Variants in AP2B1 observed in about 807,000 individuals in gnomAD.
The protein encoded by AP2B1 is AP-2 complex subunit beta.
AP2B1 carries 23 observed loss-of-function variants against 102.0 expected under a neutral mutation model. That is an observed-to-expected ratio of 0.23 (90% CI 0.16 to 0.32). AP2B1 has a LOEUF of 0.32. AP2B1 is among the 10% of genes least tolerant of loss of function. AP2B1 has a pLI of 1.00. For missense variants in AP2B1, 541 were observed against 1,157.4 expected (o/e 0.47, Z 7.73); for synonymous variants, 381 against 421.2 (o/e 0.90, Z 1.17).
intron 18 of AP2B1, among the ~76,000 whole-genome samples, chr17:35,683,138 A>G (rs909014735): frequency 6.6e-6 from 1 of 152,168 alleles, no homozygotes; most frequent in African/African-American, 2.4e-5. Flanking sequence ...TGGACCTCCC[A>G]AAGTGCTGGA....
intron 20 of AP2B1, among the ~76,000 whole-genome samples, chr17:35,712,805 C>G (rs1248417988): frequency 6.6e-6 from 1 of 152,286 alleles, no homozygotes; most frequent in East Asian, 1.9e-4. Context: ...GTTAACTGAA[C>G]TTATTTGGCC....
chr17:35,600,713 A>T (rs571655742), intron 3 of AP2B1, among the ~76,000 whole-genome samples: 1 of 152,324 alleles, frequency 6.6e-6, no homozygotes, highest in Admixed American at 6.5e-5. Context: ...TTCTTATTTT[A>T]ATGGATTAAC....
intron 14 of AP2B1, among the ~76,000 whole-genome samples, chr17:35,664,825 G>A (rs2075429455): frequency 1.3e-5 from 2 of 152,100 alleles, no homozygotes; most frequent in South Asian, 4.1e-4. Context: ...AGGTTCTCTT[G>A]TTGATTTTTA....
chr17:35,635,869 A>G (rs1439839483), intron 9 of AP2B1, among the ~76,000 whole-genome samples: 1 of 151,808 alleles, frequency 6.6e-6, no homozygotes, highest in East Asian at 1.9e-4. Context: ...TTTTGTATTT[A>G]GTGGAGACGG....
At position 35,637,651 on chromosome 17, in the gene AP2B1, T is replaced by C. The variant is rs546689252; in HGVS notation, c.1271+1195T>C. Among the ~76,000 whole-genome samples, 5 of 152,080 alleles carry C rather than the reference T, an allele frequency of 3.3e-5. 1 individual carries two copies. Among genetic ancestry groups the C allele is most frequent in the African/African-American group, 1.2e-4 (5 of 41,510 alleles). On this transcript the variant is annotated intron_variant, in intron 10 of 21. Coordinates refer to ENST00000610402, the MANE Select transcript of AP2B1 (RefSeq NM_001030006.2). ...TATTTTGGAAAGAGAACCACATACT[T>C]TTACTACTCTCCCAATAAAGAAGAG... is the stretch of plus-strand genomic sequence containing the variant.
chr17:35,711,665 G>T (rs1429842314), intron 20 of AP2B1, among the ~76,000 whole-genome samples: 1 of 152,150 alleles, frequency 6.6e-6, no homozygotes, highest in Non-Finnish European at 1.5e-5. Flanking sequence ...TAGAGACGGG[G>T]TTTCACCCTG....
chr17:35,625,519 A>T (rs2074289911), intron 6 of AP2B1, among the ~76,000 whole-genome samples: 2 of 152,086 alleles, frequency 1.3e-5, no homozygotes. Context: ...TCACTTAGCA[A>T]ATATTTATTA....
intron 14 of AP2B1, among the ~76,000 whole-genome samples, chr17:35,663,939 T>C (rs1034296453): frequency 6.6e-6 from 1 of 152,184 alleles, no homozygotes; most frequent in Non-Finnish European, 1.5e-5. Context: ...GTTCATCTTA[T>C]CCTTATTTAT....
intron 14 of AP2B1, among the ~76,000 whole-genome samples, chr17:35,665,592 T>A (rs1177922687): frequency 6.6e-6 from 1 of 152,220 alleles, no homozygotes; most frequent in African/African-American, 2.4e-5. Flanking sequence ...AGTTTTATTG[T>A]TTGTGAAGGG....
chr17:35,599,606 C>T (rs1225948136), intron 3 of AP2B1, among the ~76,000 whole-genome samples: 1 of 152,044 alleles, frequency 6.6e-6, no homozygotes, highest in Non-Finnish European at 1.5e-5. Flanking sequence ...AAGATCTATT[C>T]GAAATAAAGT....
At position 35,724,504 on chromosome 17, in the gene AP2B1, A is replaced by G. The variant is rs2085486963; in HGVS notation, c.*805A>G. ...CCTGAACAAACCTGCTAATCCCACT[A>G]ATTCAGGAATTTGAGTAGAGATGGG... is the stretch of plus-strand genomic sequence containing the variant. On this transcript the variant is annotated 3_prime_UTR_variant, in exon 22 of 22. Coordinates refer to ENST00000610402, the MANE Select transcript of AP2B1 (RefSeq NM_001030006.2). The G allele has an allele frequency of 6.6e-6, 1 of 152,158 alleles. No homozygotes were observed. The highest frequency in any genetic ancestry group is 6.5e-5 in the Admixed American group (1 of 15,270). The allele number at this position is 152,158 out of a possible 1,614,324, so 9.4% of individuals were successfully genotyped here.
intron 4 of AP2B1, chr17:35,607,862 G>A (rs1210178992): frequency 9.1e-6 from 3 of 330,860 alleles, no homozygotes; most frequent in African/African-American, 4.3e-5. Context: ...CTGTGGGATG[G>A]TACGAACTCC....
intron 17 of AP2B1, among the ~76,000 whole-genome samples, chr17:35,681,455 AGT>A (rs2075821120): frequency 6.6e-6 from 1 of 152,260 alleles, no homozygotes; most frequent in Non-Finnish European, 1.5e-5. Context: ...GCTGGACTGC[AGT>A]GATGCAGTCA....
intron 11 of AP2B1, among the ~76,000 whole-genome samples, chr17:35,641,603 G>A (rs928213568): frequency 6.6e-6 from 1 of 151,972 alleles, no homozygotes; most frequent in Non-Finnish European, 1.5e-5. Flanking sequence ...AATAAACACA[G>A]GTAACTATCT....
chr17:35,634,928 ATTC>A (rs1340270145), intron 9 of AP2B1, among the ~76,000 whole-genome samples: 2 of 152,046 alleles, frequency 1.3e-5, no homozygotes, highest in African/African-American at 2.4e-5. Flanking sequence ...ACGATGGCTT[ATTC>A]TTCTTACTTC....
intron 3 of AP2B1, among the ~76,000 whole-genome samples, chr17:35,600,346 A>G (rs1158790577): frequency 6.6e-6 from 1 of 152,046 alleles, no homozygotes; most frequent in Non-Finnish European, 1.5e-5. Flanking sequence ...GCCTCACAAA[A>G]CTGCTGGGAT....
At chr17:35,722,904 C>T (rs977015231) in intron 21 of AP2B1, among the ~76,000 whole-genome samples, 17 of 152,106 alleles carry the variant, frequency 1.1e-4, no homozygotes, top group African/African-American at 4.1e-4. Context: ...TCAATATTCA[C>T]CATTAAGATC....
At position 35,598,226 on chromosome 17, in the gene AP2B1, G is replaced by A. The variant is rs1567772947; in HGVS notation, c.38-4G>A. The A allele has an allele frequency of 3.1e-6, 5 of 1,605,836 alleles. No individual in the cohort carries two copies. The highest frequency in any genetic ancestry group is 4.3e-6 in the Non-Finnish European group (5 of 1,173,330). The stretch of plus-strand genomic sequence containing the variant: ...CCTTACCAGTTTGCTCTCATCTCTT[G>A]CAGGAGAAATATTTGAACTAAAAGC... On this transcript the variant is annotated splice_polypyrimidine_tract_variant and splice_region_variant and intron_variant, in intron 2 of 21. Transcript: ENST00000610402.
chr17:35,613,221 C>T (rs373227949), intron 5 of AP2B1, among the ~76,000 whole-genome samples: 25 of 149,228 alleles, frequency 1.7e-4, no homozygotes, highest in African/African-American at 6.2e-4. Flanking sequence ...TCTTGTAGCT[C>T]ACTTCAGAAG....
Sources: allele counts gnomAD v4.1 joint callset (sites outside exome capture counted in the v4.1 genomes callset), GRCh38; gene constraint gnomAD v4.1.1; transcripts MANE v1.5; gene names NCBI Gene and HGNC (gene_info 2026-07-23, HGNC 2026-07-21).